SLC44A3: variants seen among roughly 807,000 people sequenced by gnomAD.
SLC44A3 encodes the protein choline transporter-like protein 3.
In SLC44A3, 74 loss-of-function variants were observed where a neutral mutation model predicts 75.4. The observed-to-expected ratio is 0.98, with a 90% CI of 0.81 to 1.19. The LOEUF is 1.19. Ranked by LOEUF, SLC44A3 falls within the 50% of genes most tolerant of loss-of-function variation. SLC44A3 has a pLI of 0.00. For missense variants in SLC44A3, 700 were observed against 778.6 expected, an observed-to-expected ratio of 0.90 and a Z score of 1.20; for synonymous variants, 310 against 296.9, an observed-to-expected ratio of 1.04 and a Z score of -0.45.
At chr1:94,830,769 A>G (rs573371681) in intron 5 of SLC44A3, among the ~76,000 whole-genome samples, 1 of 152,318 alleles carries the variant, frequency 6.6e-6, no homozygotes, top group South Asian at 2.1e-4. Context: ...TTAAGGTTGT[A>G]ATTTAACCAG....
chr1:94,847,122 T>G (rs752416675), intron 9 of SLC44A3, among the ~76,000 whole-genome samples: 2 of 152,228 alleles, frequency 1.3e-5, no homozygotes, highest in Non-Finnish European at 2.9e-5. Context: ...TCCATCAGAA[T>G]GAGGTTTGTC....
chr1:94,881,501 A>G (rs6689721), intron 12 of SLC44A3, among the ~76,000 whole-genome samples: 3,526 of 149,700 alleles, frequency 0.024, 153 homozygotes, highest in African/African-American at 0.08. Flanking sequence ...TCAGGAGATC[A>G]AGACCATCCT....
intron 14 of SLC44A3, 45 bp downstream of exon 14, chr1:94,892,562 T>C: frequency 1.3e-6 from 2 of 1,575,950 alleles, no homozygotes. Context: ...ATGCTCGCAA[T>C]CTTGAAAGTT....
chr1:94,834,625 C>G (rs909756160), intron 5 of SLC44A3, among the ~76,000 whole-genome samples: 3 of 152,066 alleles, frequency 2.0e-5, no homozygotes, highest in Non-Finnish European at 4.4e-5. Context: ...GCTGGGATTA[C>G]AGGCACCCAC....
intron 12 of SLC44A3, among the ~76,000 whole-genome samples, chr1:94,883,576 A>G (rs1392383749): frequency 6.6e-6 from 1 of 152,222 alleles, no homozygotes; most frequent in African/African-American, 2.4e-5. Context: ...TAAGTGTTCA[A>G]AACCCTGACA....
chr1:94,864,899 G>A lies in SLC44A3; in HGVS notation c.1395G>A (p.Gln465=). 2 of 1,613,174 alleles carry A rather than the reference G, an allele frequency of 1.2e-6. No individual in the cohort carries two copies. Among genetic ancestry groups the A allele is most frequent in the Admixed American group, 1.7e-5 (1 of 59,944 alleles). The change falls in exon 11 of 15, where the codon CAG becomes CAA. Residue 465 remains glutamine, a splice_region_variant and synonymous_variant. Coordinates refer to ENST00000271227, the MANE Select transcript of SLC44A3 (RefSeq NM_001114106.3). The part of the protein sequence containing the change: ...VMYMQNALKE[Q]QHGALSRYLF... ...ACATGCAAAACGCACTGAAAGAACA[G>A]GTAAGGCTACCTCCTGATACACAGC... is the stretch of plus-strand genomic sequence containing the variant.
At chr1:94,876,345 G>C (rs1294175480) in intron 12 of SLC44A3, among the ~76,000 whole-genome samples, 2 of 152,230 alleles carry the variant, frequency 1.3e-5, no homozygotes, top group East Asian at 1.9e-4. Context: ...TTAGGATAGA[G>C]AGCAGGATTC....
intron 12 of SLC44A3, among the ~76,000 whole-genome samples, chr1:94,873,532 C>T (rs1360794664): frequency 6.6e-6 from 1 of 152,206 alleles, no homozygotes; most frequent in African/African-American, 2.4e-5. Context: ...ACCTGCTCTG[C>T]CTGCCAAGAC....
intron 12 of SLC44A3, among the ~76,000 whole-genome samples, chr1:94,885,849 G>A (rs1669528866): frequency 6.6e-6 from 1 of 152,112 alleles, no homozygotes; most frequent in African/African-American, 2.4e-5. Context: ...TATTATTAGC[G>A]TTATTATTTA....
At chr1:94,867,458 C>A in intron 12 of SLC44A3, 41 bp downstream of exon 12, 1 of 1,511,274 alleles carries the variant, frequency 6.6e-7, no homozygotes, top group Non-Finnish European at 9.0e-7. Context: ...ACAGAAGGGT[C>A]CAAAGGTGGG....
At chr1:94,864,156 G>A (rs1666894836) in intron 10 of SLC44A3, among the ~76,000 whole-genome samples, 1 of 152,120 alleles carries the variant, frequency 6.6e-6, no homozygotes, top group African/African-American at 2.4e-5. Context: ...GCTGCGTCAT[G>A]ACAAGTCCCG....
intron 9 of SLC44A3, 32 bp from the exon 10 acceptor site, chr1:94,857,303 G>A: frequency 6.4e-7 from 1 of 1,551,232 alleles, no homozygotes; most frequent in Non-Finnish European, 8.7e-7. Context: ...GGAAAACATT[G>A]GTGTAAAGCA....
Position 94,824,651 on chromosome 1 carries a change from AG to A in SLC44A3, c.278+17del. 1 of 1,554,790 alleles carries A rather than the reference AG, an allele frequency of 6.4e-7. No homozygotes were observed. Among genetic ancestry groups the A allele is most frequent in the Non-Finnish European group, 8.7e-7 (1 of 1,155,326 alleles). ...CCCTAAAAAAGTAAGTATCTAAATA[AG>A]TCCCCAGTCTGTAAGGAACTGTACC... On this transcript the variant is annotated intron_variant, in intron 3 of 14. Coordinates refer to ENST00000271227, the MANE Select transcript of SLC44A3 (RefSeq NM_001114106.3).
chr1:94,890,105 C>T (rs1285814258), intron 12 of SLC44A3, among the ~76,000 whole-genome samples: 1 of 152,204 alleles, frequency 6.6e-6, no homozygotes, highest in Non-Finnish European at 1.5e-5. Flanking sequence ...CCGCCTCGGC[C>T]TCCTAAAGTG....
chr1:94,851,024 G>A (rs534543493), intron 9 of SLC44A3, among the ~76,000 whole-genome samples: 3 of 152,078 alleles, frequency 2.0e-5, no homozygotes, highest in Admixed American at 1.3e-4. Flanking sequence ...GTCCCTTTGG[G>A]AAGGTGCAAA....
intron 12 of SLC44A3, among the ~76,000 whole-genome samples, chr1:94,887,305 G>A (rs139808390): frequency 1.2e-3 from 175 of 152,152 alleles, no homozygotes; most frequent in East Asian, 6.2e-3. Flanking sequence ...TGTTTAATCC[G>A]TATCCTGTGT....
At chr1:94,880,311 T>C (rs913857145) in intron 12 of SLC44A3, among the ~76,000 whole-genome samples, 1 of 152,166 alleles carries the variant, frequency 6.6e-6, no homozygotes, top group Non-Finnish European at 1.5e-5. Context: ...AAATGTGATA[T>C]AGTCATACAG....
intron 12 of SLC44A3, among the ~76,000 whole-genome samples, chr1:94,869,079 C>T (rs906921449): frequency 3.9e-5 from 6 of 152,264 alleles, no homozygotes; most frequent in African/African-American, 1.4e-4. Flanking sequence ...CTGAAGGTTT[C>T]ATTTGAGGAC....
chr1:94,840,283 C>CTTTTTTTTTTTTTTTTTTTTTTTTTTTTT (rs56383271), intron 7 of SLC44A3, among the ~76,000 whole-genome samples: 6 of 77,360 alleles, frequency 7.8e-5, no homozygotes, highest in South Asian at 5.8e-4. Context: ...TTTCTTTTTC[C>CTTTTTTTTTTTTTTTTTTTTTTTTTTTTT]TTTTTTTTTT....
Sources: gnomAD v4.1 joint callset for allele counts (sites outside exome capture counted in the v4.1 genomes callset) on GRCh38, gnomAD v4.1.1 for gene constraint, MANE v1.5 for transcripts, NCBI Gene and HGNC (gene_info 2026-07-23, HGNC 2026-07-21) for gene names.